Variants in STRBP observed in about 807,000 individuals in gnomAD.
STRBP encodes spermatid perinuclear RNA binding protein.
A neutral mutation model predicts 80.1 loss-of-function variants in STRBP; 13 were observed. That is an observed-to-expected ratio of 0.16 (90% CI 0.11 to 0.26). The LOEUF (loss-of-function observed/expected upper bound fraction) is 0.26. STRBP is among the 10% of genes least tolerant of loss of function. STRBP has a pLI of 1.00. For missense variants in STRBP, 485 were observed against 815.2 expected (o/e 0.59, Z 4.93); for synonymous variants, 284 against 291.2 (o/e 0.98, Z 0.25).
At chr9:123,179,317 A>T (rs2038355864) in intron 3 of STRBP, 90 bp from the exon 4 acceptor site, 2 of 1,069,322 alleles carry the variant, frequency 1.9e-6, no homozygotes, top group Admixed American at 4.4e-5. Flanking sequence ...GCCAACCCAT[A>T]GCACTGACTG....
chr9:123,179,762 A>C lies in STRBP; in HGVS notation c.4-535T>G, dbSNP rs193044378. Among the ~76,000 whole-genome samples the C allele has an allele frequency of 1.9e-3, 295 of 152,246 alleles. 1 individual carries two copies. Among genetic ancestry groups the C allele is most frequent in the Admixed American group, 7.5e-3 (115 of 15,296 alleles). ...TGTCTCTAAATAAATAAATAAATGA[A>C]TAAAGTTATCTTTTAGCTGAACCTA... On this transcript the variant is annotated intron_variant, in intron 3 of 18. Transcript: ENST00000348403.
At chr9:123,198,938 T>C (rs1343420245) in intron 2 of STRBP, among the ~76,000 whole-genome samples, 1 of 152,224 alleles carries the variant, frequency 6.6e-6, no homozygotes, top group Non-Finnish European at 1.5e-5. Context: ...TCTGTTTCAT[T>C]TGTCTATGTC....
At chr9:123,232,140 C>A (rs572114461) in intron 2 of STRBP, among the ~76,000 whole-genome samples, 1 of 152,070 alleles carries the variant, frequency 6.6e-6, no homozygotes, top group African/African-American at 2.4e-5. Context: ...GGTGAAACCT[C>A]GGCTCTACTA....
rs2035916208 is a variant in STRBP, at chr9:123,126,878, T to TA, written c.1943-1206dup. Among the ~76,000 whole-genome samples the TA allele has an allele frequency of 6.6e-6, 1 of 152,170 alleles. No individual in the cohort carries two copies. Reference sequence around the variant, plus strand: ...GAGACCCAGAAGCCAGCTGAATAGTTAAAAGCAAATGGCCAAACCCAAACC... The same window carrying TA: ...GAGACCCAGAAGCCAGCTGAATAGTTAAAAAGCAAATGGCCAAACCCAAACC... On this transcript the variant is annotated intron_variant, in intron 18 of 18. Transcript: ENST00000348403. The surrounding 1 kb of genome is among the most constrained non-coding windows in gnomAD (Gnocchi z 4.4).
At chr9:123,179,331 A>C in intron 3 of STRBP, 104 bp from the exon 4 acceptor site, 2 of 936,884 alleles carry the variant, frequency 2.1e-6, no homozygotes, top group South Asian at 3.5e-5. Context: ...CTGACTGTCT[A>C]CTGTGAAACA....
At chr9:123,224,050 A>G (rs762028660) in intron 2 of STRBP, among the ~76,000 whole-genome samples, 9 of 152,248 alleles carry the variant, frequency 5.9e-5, no homozygotes, top group Non-Finnish European at 1.0e-4. Context: ...ACATGTTTCA[A>G]AATTCCGAGT....
intron 17 of STRBP, 132 bp downstream of exon 17, chr9:123,132,713 T>C (rs1221187399): frequency 5.4e-6 from 7 of 1,296,842 alleles, no homozygotes; most frequent in Non-Finnish European, 6.2e-6. Context: ...TCTCTACTTT[T>C]AAATTTCTGT....
At position 123,170,060 on chromosome 9, in the gene STRBP, A is replaced by G. The variant is rs753328924; in HGVS notation, c.391-14T>C. 3.8e-6 allele frequency: 6 copies of G among 1,593,586 alleles called. No individual in the cohort carries two copies. Among genetic ancestry groups the G allele is most frequent in the Admixed American group, 3.5e-5 (2 of 56,972 alleles). On this transcript the variant is annotated splice_polypyrimidine_tract_variant and intron_variant, in intron 5 of 18. Coordinates refer to ENST00000348403, the MANE Select transcript of STRBP (RefSeq NM_018387.5). ...TTCTGTGAGTTTCTGAAAGTCACCA[A>G]GATTTCAAAATCACCCAGTTAATTA...
At chr9:123,154,154 T>C (rs531629416) in intron 11 of STRBP, among the ~76,000 whole-genome samples, 1 of 152,330 alleles carries the variant, frequency 6.6e-6, no homozygotes, top group East Asian at 1.9e-4. Flanking sequence ...TGCAGAAGAA[T>C]GCTCATGGCA....
intron 2 of STRBP, among the ~76,000 whole-genome samples, chr9:123,191,862 C>T (rs1385887057): frequency 2.0e-5 from 3 of 152,112 alleles, no homozygotes; most frequent in Non-Finnish European, 4.4e-5. Context: ...GTTTTCAGCA[C>T]AGAATGACAA....
At position 123,239,259 on chromosome 9, in the gene STRBP, C is replaced by T. The variant is rs2040641638; in HGVS notation, c.-301-2293G>A. Among the ~76,000 whole-genome samples, 3 of 152,110 alleles carry T rather than the reference C, an allele frequency of 2.0e-5. No individual in the cohort carries two copies. In the South Asian group the frequency reaches 6.2e-4, roughly 32 times the overall value. Reference sequence around the variant, plus strand: ...GCATGGTGGCGGGCGCCTGTAGTCCCAGCTACTCAGGAGGCTGAGGCGGGA... The same window carrying T: ...GCATGGTGGCGGGCGCCTGTAGTCCTAGCTACTCAGGAGGCTGAGGCGGGA... On this transcript the variant is annotated intron_variant, in intron 1 of 18. Coordinates refer to ENST00000348403, the MANE Select transcript of STRBP (RefSeq NM_018387.5).
intron 2 of STRBP, among the ~76,000 whole-genome samples, chr9:123,234,446 A>G (rs1293098975): frequency 6.6e-6 from 1 of 152,124 alleles, no homozygotes; most frequent in Non-Finnish European, 1.5e-5. Flanking sequence ...AATACTGTAC[A>G]GGATCCTTAC....
chr9:123,231,930 AC>A (rs960894369), intron 2 of STRBP, among the ~76,000 whole-genome samples: 2 of 152,260 alleles, frequency 1.3e-5, no homozygotes, highest in South Asian at 2.1e-4. Context: ...ACCTAAACAC[AC>A]TATGCCATTT....
At position 123,125,060 on chromosome 9, in the gene STRBP, C is replaced by T. The variant is rs1414689369; in HGVS notation, c.*537G>A. The T allele has an allele frequency of 1.0e-6, 1 of 985,090 alleles. No individual in the cohort carries two copies. Among genetic ancestry groups the T allele is most frequent in the Non-Finnish European group, 1.2e-6 (1 of 829,378 alleles). The allele number at this position is 985,090 out of a possible 1,614,324, so 61.0% of individuals were successfully genotyped here. On this transcript the variant is annotated 3_prime_UTR_variant, in exon 19 of 19. Transcript: ENST00000348403. ...AATATTCAAACCCATATTTTATTGG[C>T]TTTATTACACACTTCAATATTTACA...
chr9:123,145,726 AT>A (rs2036785069), intron 13 of STRBP, among the ~76,000 whole-genome samples: 1 of 152,132 alleles, frequency 6.6e-6, no homozygotes, highest in African/African-American at 2.4e-5. Flanking sequence ...TTACTAAACT[AT>A]ATGTTTAGTC....
chr9:123,127,401 C>T (rs1429007627), intron 18 of STRBP, among the ~76,000 whole-genome samples: 1 of 152,202 alleles, frequency 6.6e-6, no homozygotes, highest in African/African-American at 2.4e-5. Context: ...GACACACACA[C>T]TCTTGCACAC....
Position 123,146,864 on chromosome 9 carries a change from T to C in STRBP, c.1329A>G (p.Val443=). 1 of 1,612,066 alleles carries C rather than the reference T, an allele frequency of 6.2e-7. No homozygotes were observed. Among genetic ancestry groups the C allele is most frequent in the Non-Finnish European group, 8.5e-7 (1 of 1,178,480 alleles). ...GPSKKTAKLH[V]AVKVLQAMGY... ...AAAACAAATACTGTACCTTCACCGC[T>C]ACGTGAAGTTTTGCTGTTTTCTTGG... The change falls in exon 13 of 19, where the codon GTA becomes GTG. Residue 443 remains valine (V), a synonymous_variant. Transcript: ENST00000348403.
chr9:123,200,316 G>C (rs1346028950), intron 2 of STRBP, among the ~76,000 whole-genome samples: 1 of 152,078 alleles, frequency 6.6e-6, no homozygotes, highest in Non-Finnish European at 1.5e-5. Flanking sequence ...AATTCAGTTA[G>C]CTAATATTTT....
At chr9:123,215,144 G>A (rs1455637837) in intron 2 of STRBP, among the ~76,000 whole-genome samples, 1 of 151,918 alleles carries the variant, frequency 6.6e-6, no homozygotes, top group African/African-American at 2.4e-5. Flanking sequence ...ATAGCTCACT[G>A]CGACCTCGAA....
Sources: gnomAD v4.1 joint callset for allele counts (sites outside exome capture counted in the v4.1 genomes callset) on GRCh38, gnomAD v4.1.1 for gene constraint, Gnocchi (gnomAD v3.1) non-coding constraint, MANE v1.5 for transcripts, NCBI Gene and HGNC (gene_info 2026-07-23, HGNC 2026-07-21) for gene names.